Variants in ATM observed in about 807,000 individuals in gnomAD.
ATM encodes the protein serine-protein kinase ATM.
A neutral mutation model predicts 387.0 loss-of-function variants in ATM; 308 were observed. The observed-to-expected ratio is 0.80, with a 90% CI of 0.73 to 0.87. The LOEUF is 0.87. ATM is among the 40% of genes least tolerant of loss of function. The pLI is 0.00. For missense variants in ATM, 3,312 were observed against 3,560.9 expected (o/e 0.93, Z 1.78); for synonymous variants, 1,156 against 1,187.3 (o/e 0.97, Z 0.54).
chr11:108,292,831 T>G (rs574392514), intron 30 of ATM, 38 bp downstream of exon 30: 2 of 1,596,318 alleles, frequency 1.3e-6, no homozygotes, highest in Non-Finnish European at 1.7e-6. Context: ...GTATTTAAAA[T>G]ATATAAAGTA....
rs587781597 is a variant in ATM, at chr11:108,345,829, C to A, written c.8505C>A (p.Cys2835Ter). Residue 2835 changes from cysteine to a stop codon, truncating the protein, a stop_gained, in exon 58 of 63, where the codon TGC (cysteine) becomes TGA (stop). Transcript: ENST00000675843. LOFTEE classifies it high-confidence loss of function. ...QNFQPVFRYFCMEKFLDPAIW... is the reference protein window; with the variant it reads ...QNFQPVFRYF ...TTCAACCAGTTTTCCGTTACTTCTG[C>A]ATGGAAAAATTCTTGGATCCAGCTA... The A allele has an allele frequency of 1.2e-6, 2 of 1,613,722 alleles. No homozygotes were observed. Among genetic ancestry groups the A allele is most frequent in the Admixed American group, 3.3e-5 (2 of 59,986 alleles).
chr11:108,250,635 A>G (rs1234111574), intron 9 of ATM, 66 bp from the exon 10 acceptor site: 1 of 1,474,286 alleles, frequency 6.8e-7, no homozygotes, highest in African/African-American at 1.4e-5. Context: ...CCATGTCTAT[A>G]TATTTCCTTT....
At chr11:108,337,594 T>G (rs2086990017) in intron 56 of ATM, among the ~76,000 whole-genome samples, 1 of 152,206 alleles carries the variant, frequency 6.6e-6, no homozygotes, top group Non-Finnish European at 1.5e-5. Context: ...GCTGCACTGG[T>G]CCAGGGACAA....
intron 43 of ATM, 94 bp downstream of exon 43, chr11:108,317,615 T>TTA (rs376158749): frequency 0.012 from 2,564 of 215,012 alleles, 53 homozygotes; most frequent in East Asian, 0.028. Flanking sequence ...AGGAGTTGTT[T>TTA]TATATATATA....
In ATM at chr11:108,327,601, C is replaced by A. The variant is rs777878191; in HGVS notation, c.6976-44C>A. On this transcript the variant is annotated intron_variant, in intron 47 of 62. Coordinates refer to ENST00000675843, the MANE Select transcript of ATM (RefSeq NM_000051.4). ...TACATGAAGGGCAGTTGGGTACAGT[C>A]ATGGTAATGCATTATATTTTAAGAT... 4 of 1,475,200 alleles carry A rather than the reference C, an allele frequency of 2.7e-6. No individual in the cohort carries two copies. In the South Asian group the frequency reaches 4.6e-5, roughly 17 times the overall value. The allele number at this position is 1,475,200 out of a possible 1,614,324, so 91.4% of individuals were successfully genotyped here.
intron 13 of ATM, among the ~76,000 whole-genome samples, 173 bp downstream of exon 13, chr11:108,254,212 C>T (rs2080331129): frequency 6.6e-6 from 1 of 151,976 alleles, no homozygotes; most frequent in South Asian, 2.1e-4. Context: ...TAAAGGAAAA[C>T]TCAAGAATAA....
intron 18 of ATM, among the ~76,000 whole-genome samples, chr11:108,270,227 C>T (rs1270678587): frequency 1.3e-5 from 2 of 152,144 alleles, no homozygotes; most frequent in Non-Finnish European, 2.9e-5. Context: ...ACAAGATTGC[C>T]TTATGGGAAG....
At chr11:108,327,876 T>C (rs2085842711) in intron 48 of ATM, 118 bp downstream of exon 48, 2 of 862,134 alleles carry the variant, frequency 2.3e-6, no homozygotes. Context: ...TTCTATATAT[T>C]ATTACTGTTG....
chr11:108,238,780 A>G (rs2079422090), intron 5 of ATM, among the ~76,000 whole-genome samples: 1 of 151,964 alleles, frequency 6.6e-6, no homozygotes, highest in Admixed American at 6.6e-5. Flanking sequence ...GTGCTTTATT[A>G]CATTGGCTAG....
intron 60 of ATM, 49 bp downstream of exon 60, chr11:108,353,929 A>G: frequency 6.5e-7 from 1 of 1,531,448 alleles, no homozygotes; most frequent in Non-Finnish European, 9.0e-7. Flanking sequence ...TGTCAAAATT[A>G]CATGGGCTGG....
chr11:108,317,421 G>T lies in ATM; in HGVS notation c.6247G>T (p.Gly2083Ter), dbSNP rs1060501586. The change falls in exon 43 of 63, where the codon GGA (glycine) becomes TGA (stop). Residue 2083 changes from glycine (G) to a stop codon, truncating the protein, a stop_gained. Transcript: ENST00000675843. LOFTEE classifies it high-confidence loss of function. ...LCHILSVYLK[G>*]LDYENKDWCP... The stretch of plus-strand genomic sequence containing the variant: ...CCATATTCTTTCCGTCTATTTAAAA[G>T]GATTGGATTATGAAAATAAAGACTG... 6.2e-7 allele frequency: 1 copy of T among 1,612,234 alleles called. No homozygotes were observed.
intron 4 of ATM, chr11:108,231,517 G>A (rs1055896526): frequency 2.6e-5 from 4 of 151,956 alleles, no homozygotes; most frequent in Admixed American, 6.6e-5. Context: ...CCAATATAGC[G>A]AAACCCCATC....
At chr11:108,361,447 C>T (rs2090741858) in intron 61 of ATM, among the ~76,000 whole-genome samples, 1 of 151,958 alleles carries the variant, frequency 6.6e-6, no homozygotes, top group South Asian at 2.1e-4. Flanking sequence ...GAAAAAACTA[C>T]TTTAAAGTTC....
rs864622259 is a variant in ATM, at chr11:108,256,215, A to G, written c.2125A>G (p.Ile709Val). ...EQLLNNYSSE[I>V]TNSETLVRCS... ...ATTTTTATTTGTGGTTTACTTTAAG[A>G]TTACAAATTCAGAAACTCTTGTCCG... Residue 709 changes from isoleucine to valine, a missense_variant and splice_region_variant, in exon 14 of 63, where the codon ATT (isoleucine) becomes GTT (valine). Ile to Val is a conservative substitution (Grantham distance 29). This residue lies in a region of ATM where 1,791 missense variants were observed against 1,804.5 expected (regional missense o/e 0.99). Coordinates refer to ENST00000675843, the MANE Select transcript of ATM (RefSeq NM_000051.4). 6.2e-7 allele frequency: 1 copy of G among 1,603,286 alleles called. No homozygotes were observed. The highest frequency in any genetic ancestry group is 8.5e-7 in the Non-Finnish European group (1 of 1,173,138).
intron 34 of ATM, 50 bp from the exon 35 acceptor site, chr11:108,301,598 C>T (rs2135910397): frequency 6.2e-7 from 1 of 1,610,568 alleles, no homozygotes; most frequent in Non-Finnish European, 8.5e-7. Flanking sequence ...TAACATTCAT[C>T]AAGATTAATA....
At position 108,250,794 on chromosome 11, in the gene ATM, A is replaced by G. The variant is rs201460863; in HGVS notation, c.1329A>G (p.Leu443=). 2 of 1,613,070 alleles carry G rather than the reference A, an allele frequency of 1.2e-6. No homozygotes were observed. Among genetic ancestry groups the G allele is most frequent in the African/African-American group, 1.3e-5 (1 of 74,614 alleles). The part of the protein sequence containing the change: ...SPLLMILSQL[L]PQQRHGERTP... ...TACTGATGATACTATCTCAGCTTCTACCCCAACAGCGACATGGGGAACGTA... is the reference window on the plus strand; with the variant it reads ...TACTGATGATACTATCTCAGCTTCTGCCCCAACAGCGACATGGGGAACGTA... The change falls in exon 10 of 63, where the codon CTA becomes CTG. Residue 443 remains leucine (L), a synonymous_variant. Transcript: ENST00000675843.
chr11:108,261,683 C>G (rs1236674087), intron 16 of ATM, among the ~76,000 whole-genome samples: 4 of 152,186 alleles, frequency 2.6e-5, no homozygotes, highest in African/African-American at 9.6e-5. Flanking sequence ...TCAAATTACT[C>G]TGAGCTACGG....
At chr11:108,297,483 G>A (rs2083191107) in intron 33 of ATM, 101 bp downstream of exon 33, 4 of 993,942 alleles carry the variant, frequency 4.0e-6, no homozygotes, top group Non-Finnish European at 3.1e-6. Flanking sequence ...TCTGTTGCCT[G>A]TAGTATTCAG....
intron 32 of ATM, 58 bp from the exon 33 acceptor site, chr11:108,297,225 ATTAT>A: frequency 7.3e-7 from 1 of 1,376,032 alleles, no homozygotes; most frequent in Non-Finnish European, 1.0e-6. Context: ...TATATATGCA[ATTAT>A]AAACAAAAGT....
Sources: allele counts gnomAD v4.1 joint callset (sites outside exome capture counted in the v4.1 genomes callset), GRCh38; gene constraint gnomAD v4.1.1; regional missense constraint gnomAD v4.1.1; transcripts MANE v1.5; gene names NCBI Gene and HGNC (gene_info 2026-07-23, HGNC 2026-07-21).